Variants in NNT observed in about 807,000 individuals in gnomAD.
NNT encodes nicotinamide nucleotide transhydrogenase, also known as NAD(P) transhydrogenase, mitochondrial.
A neutral mutation model predicts 104.8 loss-of-function variants in NNT; 50 were observed. The ratio of observed to expected loss-of-function variants is 0.48; its 90% CI spans 0.38 to 0.60. The LOEUF (loss-of-function observed/expected upper bound fraction) is 0.60, where lower values mean the gene tolerates loss of function less well. Among genes scored for constraint, NNT ranks in the 20% least tolerant of loss-of-function variants. The probability of loss-of-function intolerance (pLI) is 0.00; values close to 1 mark genes in which losing one functional copy is unlikely to be tolerated. For missense variants in NNT, 1,131 were observed against 1,330.7 expected, an observed-to-expected ratio of 0.85 and a Z score of 2.33; for synonymous variants, 461 against 490.4, an observed-to-expected ratio of 0.94 and a Z score of 0.79.
At chr5:43,605,509 C>G (rs1445224581) in intron 1 of NNT, among the ~76,000 whole-genome samples, 2 of 106,142 alleles carry the variant, frequency 1.9e-5, no homozygotes, top group South Asian at 3.1e-4. Flanking sequence ...GGCGACAGAG[C>G]GAGACTCCGT....
intron 1 of NNT, among the ~76,000 whole-genome samples, chr5:43,607,822 G>T (rs529057594): frequency 6.6e-6 from 1 of 152,322 alleles, no homozygotes; most frequent in Non-Finnish European, 1.5e-5. Context: ...AGCCTGCTAG[G>T]ATCAGATGCT....
chr5:43,666,323 G>C (rs1210902391), intron 17 of NNT, among the ~76,000 whole-genome samples: 3 of 152,172 alleles, frequency 2.0e-5, no homozygotes, highest in Non-Finnish European at 4.4e-5. Flanking sequence ...GAGTGAGCGA[G>C]ACTCCGTCTG....
chr5:43,658,972 G>A (rs1032520331), intron 16 of NNT, among the ~76,000 whole-genome samples, 199 bp from the exon 17 acceptor site: 1 of 151,826 alleles, frequency 6.6e-6, no homozygotes, highest in Non-Finnish European at 1.5e-5. Flanking sequence ...TTTTTTTTAG[G>A]GGGGTGGGTG....
intron 21 of NNT, 47 bp downstream of exon 21, chr5:43,702,783 C>G (rs1414600112): frequency 1.8e-5 from 23 of 1,300,254 alleles, no homozygotes; most frequent in Non-Finnish European, 2.4e-5. Context: ...AAGGTCACTT[C>G]AAATATACAC....
At chr5:43,606,487 G>A (rs1749232102) in intron 1 of NNT, among the ~76,000 whole-genome samples, 1 of 152,188 alleles carries the variant, frequency 6.6e-6, no homozygotes, top group African/African-American at 2.4e-5. Context: ...TATGAGACTT[G>A]AGAATACTTT....
chr5:43,669,136 C>A (rs1415369736), intron 17 of NNT, among the ~76,000 whole-genome samples: 5 of 152,022 alleles, frequency 3.3e-5, no homozygotes, highest in Admixed American at 6.5e-5. Context: ...ATTTTGTATC[C>A]TGAGACTTTG....
Position 43,688,218 on chromosome 5 carries a change from C to T in NNT, c.2876+10412C>T, listed in dbSNP as rs147765496. Among the ~76,000 whole-genome samples, 636 of 152,094 alleles carry T rather than the reference C, an allele frequency of 4.2e-3. 8 individuals carry two copies. Among genetic ancestry groups the T allele is most frequent in the African/African-American group, 8.9e-3 (371 of 41,474 alleles). On this transcript the variant is annotated intron_variant, in intron 19 of 21. Coordinates refer to ENST00000344920, the MANE Select transcript of NNT (RefSeq NM_182977.3). Reference sequence around the variant, plus strand: ...TTGAGATGGGGAGATTTTCTTGGATCATTGGGTGGCTCAGTGTAATCACTA... The same window carrying T: ...TTGAGATGGGGAGATTTTCTTGGATTATTGGGTGGCTCAGTGTAATCACTA...
intron 19 of NNT, among the ~76,000 whole-genome samples, chr5:43,687,840 G>A (rs1213143400): frequency 6.6e-6 from 1 of 152,126 alleles, no homozygotes; most frequent in Non-Finnish European, 1.5e-5. Context: ...AATATATTCA[G>A]AGGTCCTTAA....
intron 16 of NNT, 59 bp downstream of exon 16, chr5:43,656,872 G>T: frequency 6.7e-7 from 1 of 1,483,718 alleles, no homozygotes; most frequent in Non-Finnish European, 9.1e-7. Flanking sequence ...TATTTTGTTA[G>T]ATTAAAGTGT....
intron 19 of NNT, among the ~76,000 whole-genome samples, chr5:43,685,758 A>G (rs755397458): frequency 6.6e-6 from 1 of 152,114 alleles, no homozygotes; most frequent in African/African-American, 2.4e-5. Context: ...ATATTCTTCA[A>G]TAGCCTCACA....
At chr5:43,640,961 C>T (rs1170776532) in intron 7 of NNT, among the ~76,000 whole-genome samples, 1 of 151,562 alleles carries the variant, frequency 6.6e-6, no homozygotes, top group Admixed American at 6.6e-5. Flanking sequence ...GAGAGATATT[C>T]CCCAAGGCTT....
intron 19 of NNT, among the ~76,000 whole-genome samples, chr5:43,681,907 A>T (rs1741739647): frequency 6.6e-6 from 1 of 152,250 alleles, no homozygotes; most frequent in Admixed American, 6.5e-5. Context: ...ATGTGATAGT[A>T]TGCTAAGACA....
chr5:43,655,099 T>G (rs566632773), intron 14 of NNT, among the ~76,000 whole-genome samples: 7 of 152,334 alleles, frequency 4.6e-5, no homozygotes, highest in South Asian at 4.1e-4. Context: ...AACCAAGGTC[T>G]TCTTCATGTT....
intron 15 of NNT, among the ~76,000 whole-genome samples, chr5:43,656,433 A>C (rs975448501): frequency 2.6e-5 from 4 of 152,224 alleles, no homozygotes; most frequent in Non-Finnish European, 5.9e-5. Flanking sequence ...AGTAAGTCTC[A>C]TAAAGCTTTG....
chr5:43,624,377 G>T (rs1433741713), intron 6 of NNT, among the ~76,000 whole-genome samples: 1 of 152,168 alleles, frequency 6.6e-6, no homozygotes, highest in Non-Finnish European at 1.5e-5. Context: ...TTTCTAACAT[G>T]TTGCTTTACC....
At chr5:43,688,080 G>T (rs1252708255) in intron 19 of NNT, among the ~76,000 whole-genome samples, 1 of 152,132 alleles carries the variant, frequency 6.6e-6, no homozygotes, top group East Asian at 1.9e-4. Context: ...AGAGCTTTGT[G>T]GTAGGCAGAA....
At position 43,687,459 on chromosome 5, in the gene NNT, A is replaced by G. The variant is rs544786440; in HGVS notation, c.2876+9653A>G. ...GGGAAATTGCTCATTATGGCCAACC[A>G]GTGTCTGATATAATTAATTTTAATA... On this transcript the variant is annotated intron_variant, in intron 19 of 21. Coordinates refer to ENST00000344920, the MANE Select transcript of NNT (RefSeq NM_182977.3). 4.6e-5 allele frequency among the ~76,000 whole-genome samples: 7 copies of G among 152,290 alleles called. No individual in the cohort carries two copies. The East Asian group carries it at 1.3e-3, about 29-fold the overall frequency.
intron 9 of NNT, 113 bp downstream of exon 9, chr5:43,644,915 T>G (rs771954006): frequency 1.3e-6 from 1 of 775,876 alleles, no homozygotes; most frequent in Non-Finnish European, 2.0e-6. Flanking sequence ...AAGGTATTGG[T>G]ATGCCAGCTT....
Position 43,644,239 on chromosome 5 carries a change from A to C in NNT, c.1012A>C (p.Lys338Gln). ...LFNKEMIESM[K>Q]EGSVVVDLAA... ...TAATAAAGAAATGATTGAGTCAATG[A>C]AGGAAGGTTCAGTTGTTGTGGATTT... The change falls in exon 8 of 22, where the codon AAG becomes CAG. Residue 338 changes from lysine (K) to glutamine (Q), a missense_variant. Physicochemically the swap from Lys to Gln is moderately conservative, Grantham distance 53. Coordinates refer to ENST00000344920, the MANE Select transcript of NNT (RefSeq NM_182977.3). 2 of 1,612,734 alleles carry C rather than the reference A, an allele frequency of 1.2e-6. No homozygotes were observed. Among genetic ancestry groups the C allele is most frequent in the Non-Finnish European group, 1.7e-6 (2 of 1,179,498 alleles).
Sources: gnomAD v4.1 joint callset for allele counts (sites outside exome capture counted in the v4.1 genomes callset) on GRCh38, gnomAD v4.1.1 for gene constraint, MANE v1.5 for transcripts, NCBI Gene and HGNC (gene_info 2026-07-23, HGNC 2026-07-21) for gene names.